Variants in C12orf42 observed in about 807,000 individuals in gnomAD.
C12orf42 encodes chromosome 12 open reading frame 42.
A neutral mutation model predicts 21.6 loss-of-function variants in C12orf42; 25 were observed. The ratio of observed to expected loss-of-function variants is 1.16; its 90% confidence interval spans 0.84 to 1.62. The LOEUF (loss-of-function observed/expected upper bound fraction) is 1.62. C12orf42 is among the 40% of genes most tolerant of loss of function. C12orf42 has a pLI of 0.00. For missense variants in C12orf42, 483 were observed against 459.3 expected (o/e 1.05, Z -0.47); for synonymous variants, 174 against 175.0 (o/e 0.99, Z 0.05).
At chr12:103,075,232 T>C in the C12orf42 span, among the ~76,000 whole-genome samples, 1 of 152,246 alleles carries the variant, frequency 6.6e-6, no homozygotes, top group Non-Finnish European at 1.5e-5. Context: ...CTACTTTTTA[T>C]GACAGTTCTC....
intron 4 of C12orf42, among the ~76,000 whole-genome samples, chr12:103,293,098 A>G (rs911025036): frequency 4.7e-5 from 7 of 150,196 alleles, no homozygotes; most frequent in African/African-American, 1.7e-4. Context: ...TTTTAAAGAG[A>G]TGCCTTTTTT....
chr12:103,300,508 C>T (rs1185019370), downstream of C12orf42, among the ~76,000 whole-genome samples: 2 of 152,168 alleles, frequency 1.3e-5, no homozygotes, highest in African/African-American at 4.8e-5. Context: ...TTCTGTTTTG[C>T]ATTTTTAATA....
chr12:103,329,676 A>T (rs762734188), intron 4 of C12orf42, among the ~76,000 whole-genome samples: 8 of 151,858 alleles, frequency 5.3e-5, no homozygotes, highest in Non-Finnish European at 1.2e-4. Context: ...TTTACAAAAC[A>T]CAAAGGCTTT....
chr12:103,403,935 G>A (rs2048231779), intron 2 of C12orf42, among the ~76,000 whole-genome samples: 1 of 152,126 alleles, frequency 6.6e-6, no homozygotes, highest in Non-Finnish European at 1.5e-5. Flanking sequence ...TGCAAGTTGT[G>A]GATGGCACAA....
intron 4 of C12orf42, among the ~76,000 whole-genome samples, chr12:103,310,128 T>A (rs978682730): frequency 1.3e-5 from 2 of 152,174 alleles, no homozygotes; most frequent in African/African-American, 4.8e-5. Flanking sequence ...GGTGATTGGA[T>A]AATGGGGACA....
chr12:103,247,309 T>C (rs758137027), intron 10 of C12orf42, among the ~76,000 whole-genome samples: 47 of 152,072 alleles, frequency 3.1e-4, no homozygotes, highest in Middle Eastern at 3.4e-3. Flanking sequence ...CATTCCTGCT[T>C]GAAAAAAATA....
the C12orf42 span, among the ~76,000 whole-genome samples, chr12:103,209,384 G>A: frequency 6.6e-6 from 1 of 152,166 alleles, no homozygotes; most frequent in African/African-American, 2.4e-5. Context: ...GAACAAAATA[G>A]ACTCCTGCTT....
At chr12:103,493,793 T>A (rs1239341355) in intron 1 of C12orf42, among the ~76,000 whole-genome samples, 2 of 149,900 alleles carry the variant, frequency 1.3e-5, no homozygotes, top group East Asian at 3.9e-4. Flanking sequence ...GAAATACGCA[T>A]GAAAGTATTA....
the C12orf42 span, among the ~76,000 whole-genome samples, chr12:103,188,012 A>G: frequency 6.6e-6 from 1 of 152,208 alleles, no homozygotes; most frequent in South Asian, 2.1e-4. Flanking sequence ...TTCTGGTAAG[A>G]GTACTCTGAA....
the C12orf42 span, among the ~76,000 whole-genome samples, chr12:103,513,326 G>T: frequency 1.3e-5 from 2 of 152,094 alleles, no homozygotes; most frequent in Non-Finnish European, 2.9e-5. Flanking sequence ...TATGGAAAGA[G>T]AATGGAACCA....
intron 4 of C12orf42, among the ~76,000 whole-genome samples, chr12:103,321,892 C>T (rs1320286174): frequency 6.6e-6 from 1 of 151,896 alleles, no homozygotes; most frequent in African/African-American, 2.4e-5. Flanking sequence ...GGAGGGATAG[C>T]ATTGGGAGAT....
At chr12:103,411,214 A>G (rs932122242) in intron 2 of C12orf42, among the ~76,000 whole-genome samples, 2 of 152,180 alleles carry the variant, frequency 1.3e-5, no homozygotes, top group African/African-American at 4.8e-5. Flanking sequence ...TATATAAAAA[A>G]CTATCTCTTT....
At chr12:103,224,555 T>C in the C12orf42 span, among the ~76,000 whole-genome samples, 1 of 152,166 alleles carries the variant, frequency 6.6e-6, no homozygotes, top group Non-Finnish European at 1.5e-5. Flanking sequence ...AGGAATAATG[T>C]GGGAGGCCAG....
intron 2 of C12orf42, among the ~76,000 whole-genome samples, chr12:103,452,352 ATAAATCACATAAAATCG>A (rs1952002864): frequency 6.6e-6 from 1 of 152,140 alleles, no homozygotes; most frequent in East Asian, 1.9e-4. Context: ...ACATAAAATC[ATAAATCACATAAAATCG>A]TAAATCACAT....
the C12orf42 span, among the ~76,000 whole-genome samples, chr12:103,227,161 A>C: frequency 3.9e-5 from 6 of 152,022 alleles, no homozygotes; most frequent in Admixed American, 3.3e-4. Flanking sequence ...GGCTGCCCAT[A>C]GTGAAGGAAG....
intron 1 of C12orf42, among the ~76,000 whole-genome samples, chr12:103,486,007 A>G (rs939882270): frequency 2.0e-5 from 3 of 152,140 alleles, no homozygotes; most frequent in Non-Finnish European, 4.4e-5. Flanking sequence ...TTCCAACACT[A>G]TGTTGAATAG....
At chr12:103,367,683 G>C (rs2044735608) in intron 4 of C12orf42, among the ~76,000 whole-genome samples, 1 of 151,912 alleles carries the variant, frequency 6.6e-6, no homozygotes, top group South Asian at 2.1e-4. Context: ...AGGGGAATGA[G>C]GCAGATTGGA....
chr12:103,062,275 T>C, the C12orf42 span, among the ~76,000 whole-genome samples: 1 of 151,808 alleles, frequency 6.6e-6, no homozygotes, highest in East Asian at 1.9e-4. Flanking sequence ...ATCTGTGATA[T>C]ATTTTCCTTC....
the C12orf42 span, among the ~76,000 whole-genome samples, chr12:103,185,846 G>T: frequency 6.6e-6 from 1 of 152,184 alleles, no homozygotes; most frequent in African/African-American, 2.4e-5. Context: ...AAGCCATGTG[G>T]AACTGTAAGT....
Sources: gnomAD v4.1 joint callset for allele counts (sites outside exome capture counted in the v4.1 genomes callset) on GRCh38, gnomAD v4.1.1 for gene constraint, MANE v1.5 for transcripts, NCBI Gene and HGNC (gene_info 2026-07-23, HGNC 2026-07-21) for gene names.